The following KLRG1 variants were observed in gnomAD, a reference collection of about 807,000 sequenced individuals.
KLRG1 encodes the protein killer cell lectin like receptor G1, also known as killer cell lectin-like receptor subfamily G member 1.
KLRG1 carries 16 observed loss-of-function variants against 21.8 expected under a neutral mutation model. The observed-to-expected ratio is 0.73, with a 90% CI of 0.50 to 1.11. The LOEUF is 1.11. KLRG1 is among the 50% of genes most tolerant of loss of function. KLRG1 has a pLI of 0.00. For missense variants in KLRG1, 173 were observed against 218.3 expected (o/e 0.79, Z 1.31); for synonymous variants, 69 against 75.9 (o/e 0.91, Z 0.47).
chr12:8,953,645 A>AT (rs1428162364), intron 1 of KLRG1, among the ~76,000 whole-genome samples: 1 of 151,830 alleles, frequency 6.6e-6, no homozygotes, highest in Admixed American at 6.6e-5. Context: ...TTAAGTTTGC[A>AT]TTTTTTTTGG....
At chr12:9,162,389 C>A in the KLRG1 span, 9 of 539,152 alleles carry the variant, frequency 1.7e-5, no homozygotes, top group Middle Eastern at 4.5e-4. Flanking sequence ...AGGTATTAGT[C>A]CTGTCTGTAC....
chr12:9,021,718 A>C, the KLRG1 span, among the ~76,000 whole-genome samples: 1 of 152,136 alleles, frequency 6.6e-6, no homozygotes, highest in Non-Finnish European at 1.5e-5. Context: ...TTTAAAAAAC[A>C]AGACATAAGC....
At chr12:9,185,678 G>C in the KLRG1 span, among the ~76,000 whole-genome samples, 1 of 151,708 alleles carries the variant, frequency 6.6e-6, no homozygotes, top group Non-Finnish European at 1.5e-5. Context: ...AAATGTTAAA[G>C]GTAGCTAGAG....
the KLRG1 span, chr12:9,182,151 T>TAAGTGAGACAAAATGGTCAC: frequency 1.2e-6 from 2 of 1,605,442 alleles, no homozygotes; most frequent in South Asian, 1.1e-5. Context: ...AAAATGGTCA[T>TAAGTGAGACAAAATGGTCAC]AAGTGAGACA....
chr12:9,176,642 G>A, the KLRG1 span, among the ~76,000 whole-genome samples: 1 of 152,312 alleles, frequency 6.6e-6, no homozygotes, highest in African/African-American at 2.4e-5. Context: ...AGGGCCAGAG[G>A]CCTGAATATT....
chr12:9,194,376 C>T, the KLRG1 span: 8 of 677,140 alleles, frequency 1.2e-5, no homozygotes, highest in Admixed American at 3.0e-5. Flanking sequence ...TTCATATTTA[C>T]GACAAAATGT....
the KLRG1 span, chr12:9,068,109 T>TC: frequency 1.2e-5 from 18 of 1,508,136 alleles, no homozygotes; most frequent in Non-Finnish European, 1.5e-5. Context: ...TACCCAGCGT[T>TC]TTATGAAGGA....
At chr12:9,099,527 G>A in the KLRG1 span, 12 of 1,605,202 alleles carry the variant, frequency 7.5e-6, no homozygotes, top group African/African-American at 1.2e-4. Context: ...CCCTTCACTG[G>A]GGCACAAAGA....
At chr12:9,206,902 C>A in the KLRG1 span, among the ~76,000 whole-genome samples, 1 of 152,166 alleles carries the variant, frequency 6.6e-6, no homozygotes, top group African/African-American at 2.4e-5. Context: ...CTCGCTTTAT[C>A]CATTCAGTCT....
chr12:8,977,816 TAC>T (rs1235293405), intron 1 of KLRG1, among the ~76,000 whole-genome samples: 2 of 152,200 alleles, frequency 1.3e-5, no homozygotes, highest in Non-Finnish European at 2.9e-5. Context: ...TACAAATCTG[TAC>T]AGTGTTGCTT....
At chr12:8,985,446 C>T (rs1946827940), upstream of KLRG1, among the ~76,000 whole-genome samples, 1 of 152,172 alleles carries the variant, frequency 6.6e-6, no homozygotes, top group Non-Finnish European at 1.5e-5. Flanking sequence ...TCAATTCCGA[C>T]ATTATCTACC....
At chr12:9,085,862 C>A in the KLRG1 span, among the ~76,000 whole-genome samples, 33 of 151,916 alleles carry the variant, frequency 2.2e-4, no homozygotes, top group African/African-American at 7.7e-4. Flanking sequence ...GACTATTATG[C>A]ATAAGTATAC....
the KLRG1 span, chr12:9,068,226 T>C: frequency 6.2e-7 from 1 of 1,601,824 alleles, no homozygotes; most frequent in Non-Finnish European, 8.5e-7. Context: ...CAAACTCATC[T>C]GAAAAAAAAA....
At chr12:9,077,250 T>C in the KLRG1 span, 1 of 1,164,634 alleles carries the variant, frequency 8.6e-7, no homozygotes, top group East Asian at 2.6e-5. Flanking sequence ...AGAAAGCTGA[T>C]GCTTTGCTTT....
chr12:9,039,301 G>T, the KLRG1 span, among the ~76,000 whole-genome samples: 2 of 152,202 alleles, frequency 1.3e-5, no homozygotes, highest in African/African-American at 2.4e-5. Flanking sequence ...CTTAGATTGC[G>T]TATGTGAAAT....
the KLRG1 span, chr12:9,077,879 A>G: frequency 6.2e-7 from 1 of 1,613,970 alleles, no homozygotes; most frequent in Non-Finnish European, 8.5e-7. Flanking sequence ...GGAAGCAATC[A>G]TGATGTTTAT....
chr12:9,213,829 T>G, the KLRG1 span, among the ~76,000 whole-genome samples: 1 of 152,066 alleles, frequency 6.6e-6, no homozygotes, highest in African/African-American at 2.4e-5. Context: ...AAGTTTTTAG[T>G]TTTAATAAAA....
Position 8,989,654 on chromosome 12 carries a change from T to C in KLRG1, c.19T>C (p.Tyr7His). 1 of 1,608,188 alleles carries C rather than the reference T, an allele frequency of 6.2e-7. No homozygotes were observed. Among genetic ancestry groups the C allele is most frequent in the Non-Finnish European group, 8.5e-7 (1 of 1,175,630 alleles). Residue 7 changes from tyrosine to histidine, a missense_variant, in exon 1 of 5, where the codon TAT (tyrosine) becomes CAT (histidine). Transcript: ENST00000356986. MTDSVI[Y>H]SMLELPTATQ... ...GCTGAAGATGACTGACAGTGTTATTTATTCCATGTTAGAGTTGCCTACGGC... is the reference window on the plus strand; with the variant it reads ...GCTGAAGATGACTGACAGTGTTATTCATTCCATGTTAGAGTTGCCTACGGC...
Position 9,009,671 on chromosome 12 carries a change from C to A in KLRG1, c.*134C>A, listed in dbSNP as rs1947586995. On this transcript the variant is annotated 3_prime_UTR_variant, in exon 5 of 5. Coordinates refer to ENST00000356986, the MANE Select transcript of KLRG1 (RefSeq NM_005810.4). ...ACTTTCTCAGATATGGCATTAGATG[C>A]AAGACAACCTCCTAGGGATTGATGC... 1.4e-6 allele frequency: 2 copies of A among 1,442,346 alleles called. No homozygotes were observed. Among genetic ancestry groups the A allele is most frequent in the Non-Finnish European group, 9.1e-7 (1 of 1,101,808 alleles). The allele number at this position is 1,442,346 out of a possible 1,614,324, so 89.3% of individuals were successfully genotyped here.
Sources: gnomAD v4.1 joint callset for allele counts (sites outside exome capture counted in the v4.1 genomes callset) on GRCh38, gnomAD v4.1.1 for gene constraint, MANE v1.5 for transcripts, NCBI Gene and HGNC (gene_info 2026-07-23, HGNC 2026-07-21) for gene names.